The following ZNF521 variants were observed in gnomAD, a reference collection of about 807,000 sequenced individuals.
The protein encoded by ZNF521 is LYST-interacting protein 3.
Under a neutral mutation model 105.5 loss-of-function variants are expected in ZNF521, and 14 were observed. That is an observed-to-expected ratio of 0.13 (90% CI 0.09 to 0.21). The LOEUF (loss-of-function observed/expected upper bound fraction) is 0.21, where lower values mean the gene tolerates loss of function less well. Ranked by LOEUF, ZNF521 falls within the 10% of genes least tolerant of loss-of-function variation. The pLI is 1.00. For synonymous variants in ZNF521, 635 were observed against 606.0 expected (o/e 1.05, Z -0.70); for missense variants, 1,233 against 1,629.7 (o/e 0.76, Z 4.19).
At chr18:25,122,135 T>C (rs553311271) in intron 5 of ZNF521, among the ~76,000 whole-genome samples, 2 of 152,248 alleles carry the variant, frequency 1.3e-5, no homozygotes, top group South Asian at 2.1e-4. Context: ...AAGATCCATA[T>C]TGAACTTGAA....
intron 3 of ZNF521, among the ~76,000 whole-genome samples, chr18:25,234,954 T>C (rs1906786829): frequency 6.6e-6 from 1 of 152,174 alleles, no homozygotes; most frequent in African/African-American, 2.4e-5. Flanking sequence ...AATATTATTA[T>C]TCTTGTTAAA....
chr18:25,171,961 TCTC>T (rs1329836038), intron 5 of ZNF521, among the ~76,000 whole-genome samples: 1 of 151,940 alleles, frequency 6.6e-6, no homozygotes, highest in Non-Finnish European at 1.5e-5. Flanking sequence ...ATTGTTTATT[TCTC>T]CTCAAGTATT....
Position 25,092,020 on chromosome 18 carries a change from G to A in ZNF521, c.3720C>T (p.Leu1240=), listed in dbSNP as rs2033758090. 6.2e-7 allele frequency: 1 copy of A among 1,613,950 alleles called. No homozygotes were observed. The highest frequency in any genetic ancestry group is 8.5e-7 in the Non-Finnish European group (1 of 1,179,956). The change falls in exon 6 of 8, where the codon CTC becomes CTT. Residue 1240 remains leucine (L), a synonymous_variant. Coordinates refer to ENST00000361524, the MANE Select transcript of ZNF521 (RefSeq NM_015461.3). ...CSQTFDSPAK[L]QCHLIEHSFE... is the part of the protein sequence containing the mutation. ...AGCTGTGCTCTATCAGGTGGCACTG[G>A]AGTTTGGCAGGAGAGTCAAAGGTCT...
At chr18:25,134,538 C>A (rs572740966) in intron 5 of ZNF521, among the ~76,000 whole-genome samples, 95 of 152,256 alleles carry the variant, frequency 6.2e-4, no homozygotes, top group Non-Finnish European at 1.1e-3. Context: ...CCTGCCCAAA[C>A]TGCATCTGAT....
chr18:25,302,885 A>G (rs183685909), intron 3 of ZNF521: 1 of 152,244 alleles, frequency 6.6e-6, no homozygotes, highest in African/African-American at 2.4e-5. Flanking sequence ...ATAATACATG[A>G]CATTAGACGA....
At chr18:25,188,552 C>T (rs554707892) in intron 5 of ZNF521, among the ~76,000 whole-genome samples, 1 of 152,244 alleles carries the variant, frequency 6.6e-6, no homozygotes. Context: ...GCCCTCCATT[C>T]GGAAATGCTT....
At chr18:25,112,989 G>T (rs909083142) in intron 5 of ZNF521, among the ~76,000 whole-genome samples, 1 of 146,866 alleles carries the variant, frequency 6.8e-6, no homozygotes, top group East Asian at 2.0e-4. Context: ...TTTTGTACCC[G>T]CCTGCCTGTA....
chr18:25,289,813 GGCTA>G (rs1910912717), intron 3 of ZNF521, among the ~76,000 whole-genome samples: 2 of 152,200 alleles, frequency 1.3e-5, no homozygotes, highest in East Asian at 1.9e-4. Flanking sequence ...TTAAAAATGC[GGCTA>G]GCTAGACAAT....
At chr18:25,238,177 CAAT>C (rs1260853660) in intron 3 of ZNF521, among the ~76,000 whole-genome samples, 2 of 152,154 alleles carry the variant, frequency 1.3e-5, no homozygotes, top group Non-Finnish European at 2.9e-5. Flanking sequence ...ACAACAACAA[CAAT>C]AACTCAAATG....
intron 5 of ZNF521, among the ~76,000 whole-genome samples, chr18:25,131,115 G>C (rs2034634138): frequency 6.6e-6 from 1 of 152,080 alleles, no homozygotes; most frequent in South Asian, 2.1e-4. Flanking sequence ...GCATGAGAAA[G>C]AGAAGATTGC....
At chr18:25,157,902 C>A (rs2144511092) in intron 5 of ZNF521, among the ~76,000 whole-genome samples, 1 of 152,184 alleles carries the variant, frequency 6.6e-6, no homozygotes, top group Admixed American at 6.5e-5. Flanking sequence ...CAGGTACCTG[C>A]CACCATGCCC....
chr18:25,073,468 C>T (rs1269861554), intron 7 of ZNF521, among the ~76,000 whole-genome samples: 3 of 152,130 alleles, frequency 2.0e-5, no homozygotes, highest in African/African-American at 7.2e-5. Flanking sequence ...GTTTGAAATC[C>T]ATTGAAATTT....
chr18:25,332,782 A>C (rs1913650810), intron 2 of ZNF521, among the ~76,000 whole-genome samples: 1 of 152,166 alleles, frequency 6.6e-6, no homozygotes, highest in Non-Finnish European at 1.5e-5. Flanking sequence ...TTTCCTACAG[A>C]ATGACCACCT....
chr18:25,278,956 T>C (rs1386737844), intron 3 of ZNF521, among the ~76,000 whole-genome samples: 3 of 152,192 alleles, frequency 2.0e-5, no homozygotes, highest in Admixed American at 1.3e-4. Flanking sequence ...TTTTAGTCTC[T>C]GCAAATCTCA....
intron 4 of ZNF521, among the ~76,000 whole-genome samples, chr18:25,209,046 A>G (rs1048974350): frequency 1.3e-5 from 2 of 152,174 alleles, no homozygotes; most frequent in African/African-American, 4.8e-5. Context: ...TAACGATGCC[A>G]CTCGACTTCT....
At chr18:25,210,762 G>A (rs1350467412) in intron 4 of ZNF521, among the ~76,000 whole-genome samples, 2 of 152,174 alleles carry the variant, frequency 1.3e-5, no homozygotes, top group East Asian at 1.9e-4. Context: ...CCAAGCCAAA[G>A]CCCAGCCTCT....
chr18:25,228,549 G>A (rs936340447), intron 3 of ZNF521, among the ~76,000 whole-genome samples: 4 of 152,216 alleles, frequency 2.6e-5, no homozygotes, highest in African/African-American at 9.6e-5. Flanking sequence ...TTTTGCAAAA[G>A]CTTCAGCAGC....
intron 5 of ZNF521, among the ~76,000 whole-genome samples, chr18:25,194,798 C>A (rs1324979032): frequency 6.6e-6 from 1 of 151,632 alleles, no homozygotes; most frequent in Non-Finnish European, 1.5e-5. Flanking sequence ...AGTGCCATTA[C>A]CATAATAACT....
chr18:25,073,397 A>C (rs2033273762), intron 7 of ZNF521, among the ~76,000 whole-genome samples: 1 of 152,250 alleles, frequency 6.6e-6, no homozygotes, highest in Admixed American at 6.5e-5. Context: ...TCTCAGAGTT[A>C]AGTTTGGCTG....
Sources: gnomAD v4.1 joint callset for allele counts (sites outside exome capture counted in the v4.1 genomes callset) on GRCh38, gnomAD v4.1.1 for gene constraint, MANE v1.5 for transcripts, NCBI Gene and HGNC (gene_info 2026-07-23, HGNC 2026-07-21) for gene names.